The following HEXB variants were observed in gnomAD, a reference collection of about 807,000 sequenced individuals.
The protein encoded by HEXB is beta-hexosaminidase subunit beta.
HEXB carries 51 observed loss-of-function variants against 71.2 expected under a neutral mutation model. The observed-to-expected ratio is 0.72, with a 90% CI of 0.57 to 0.90. The LOEUF (loss-of-function observed/expected upper bound fraction) is 0.90. Among genes scored for constraint, HEXB ranks in the 40% least tolerant of loss-of-function variants. HEXB has a pLI of 0.00. For synonymous variants in HEXB, 266 were observed against 249.3 expected (o/e 1.07, Z -0.63); for missense variants, 617 against 677.0 (o/e 0.91, Z 0.98).
chr5:74,677,183 C>T (rs544253457), intron 1 of HEXB, among the ~76,000 whole-genome samples: 8 of 152,194 alleles, frequency 5.3e-5, no homozygotes, highest in African/African-American at 1.4e-4. Context: ...ACCCAGCATA[C>T]GTTGTTCTTT....
At chr5:74,696,146 G>A (rs1183686755) in intron 3 of HEXB, among the ~76,000 whole-genome samples, 2 of 152,204 alleles carry the variant, frequency 1.3e-5, no homozygotes, top group Non-Finnish European at 2.9e-5. Flanking sequence ...GTCAAGGCCA[G>A]TTAGAAGAAT....
intron 2 of HEXB, 152 bp from the exon 3 acceptor site, chr5:74,693,487 A>C (rs1314319461): frequency 1.0e-5 from 7 of 700,628 alleles, no homozygotes. Flanking sequence ...AGGACATCCA[A>C]ATGGAGATGT....
chr5:74,671,666 A>T (rs1748542638), intron 1 of HEXB, among the ~76,000 whole-genome samples: 1 of 152,208 alleles, frequency 6.6e-6, no homozygotes, highest in Admixed American at 6.5e-5. Context: ...TGTATACTTT[A>T]AATATAGGCA....
intron 13 of HEXB, 149 bp from the exon 14 acceptor site, chr5:74,720,969 T>TTTAA: frequency 2.4e-6 from 2 of 825,988 alleles, no homozygotes; most frequent in Non-Finnish European, 2.0e-6. Flanking sequence ...CTTGAGTTGC[T>TTTAA]TTAATTTTCT....
intron 6 of HEXB, among the ~76,000 whole-genome samples, chr5:74,709,877 A>G (rs1001212229): frequency 6.6e-6 from 1 of 152,134 alleles, no homozygotes; most frequent in African/African-American, 2.4e-5. Flanking sequence ...AACTGGTACC[A>G]TTCCTTCTGA....
At chr5:74,689,643 TTG>T (rs1467872773) in intron 2 of HEXB, 170 bp downstream of exon 2, 20 of 654,666 alleles carry the variant, frequency 3.1e-5, no homozygotes, top group Non-Finnish European at 5.4e-5. Context: ...TACATAGTCT[TTG>T]TGGAAAATTT....
chr5:74,721,179 A>ATG lies in HEXB; in HGVS notation c.*5_*6dup. On this transcript the variant is annotated 3_prime_UTR_variant, in exon 14 of 14. Coordinates refer to ENST00000261416, the MANE Select transcript of HEXB (RefSeq NM_000521.4). ...TTGTAACCATGAGAACATGTAAAAA[A>ATG]TGGAGGGGAAAAAGGCCACAGCAAT... 1 of 1,611,690 alleles carries ATG rather than the reference A, an allele frequency of 6.2e-7. No homozygotes were observed. Among genetic ancestry groups the ATG allele is most frequent in the Non-Finnish European group, 8.5e-7 (1 of 1,177,876 alleles).
At chr5:74,707,107 G>T (rs1275179396) in intron 6 of HEXB, among the ~76,000 whole-genome samples, 7 of 152,078 alleles carry the variant, frequency 4.6e-5, no homozygotes, top group Non-Finnish European at 7.4e-5. Context: ...CCAGAGGAAC[G>T]ATCAGACAGC....
chr5:74,691,013 TAACAGATTGTA>T (rs1163786549), intron 2 of HEXB, among the ~76,000 whole-genome samples: 1 of 152,186 alleles, frequency 6.6e-6, no homozygotes, highest in Non-Finnish European at 1.5e-5. Flanking sequence ...GCAATACAGA[TAACAGATTGTA>T]AATTCCACAA....
chr5:74,652,345 C>A lies in HEXB; in HGVS notation c.-377+11787C>A, dbSNP rs1165098568. ...CCTCGCTTTCTTTTTCAGAGCTGTG[C>A]TCTCCTAGTGTGTGGGCCTCCTGGC... On this transcript the variant is annotated intron_variant, in intron 1 of 13. Transcript: ENST00000511181. The surrounding 1 kb of genome is among the most constrained non-coding windows in gnomAD (Gnocchi z 5.4). 6.6e-6 allele frequency among the ~76,000 whole-genome samples: 1 copy of A among 152,084 alleles called. No homozygotes were observed. Among genetic ancestry groups the A allele is most frequent in the Non-Finnish European group, 1.5e-5 (1 of 68,002 alleles).
chr5:74,706,277 C>CT, intron 6 of HEXB: 1 of 152,382 alleles, frequency 6.6e-6, no homozygotes, highest in African/African-American at 2.4e-5. Context: ...TAAGAGTAAT[C>CT]TAGACAGCTA....
intron 1 of HEXB, among the ~76,000 whole-genome samples, chr5:74,642,918 A>G (rs547522562): frequency 6.6e-6 from 1 of 152,320 alleles, no homozygotes; most frequent in Admixed American, 6.5e-5. Context: ...CTATGCTTCA[A>G]TAGAAGAAAG....
At chr5:74,703,267 A>T (rs1313045482) in intron 5 of HEXB, among the ~76,000 whole-genome samples, 1 of 152,152 alleles carries the variant, frequency 6.6e-6, no homozygotes, top group African/African-American at 2.4e-5. Context: ...TCCTTGTTTA[A>T]TAGTCAAATT....
Position 74,705,232 on chromosome 5 carries a change from T to G in HEXB, c.683T>G (p.Phe228Cys), listed in dbSNP as rs755758402. ...GTTTGCTTGCAGGATGCCATGGCTT[T>G]TAATAAGTTTAATGTTCTTCACTGG... Reference protein sequence around the residue: ...IILKTLDAMAFNKFNVLHWHI... With the variant: ...IILKTLDAMACNKFNVLHWHI... The change falls in exon 6 of 14, where the codon TTT (phenylalanine) becomes TGT (cysteine). Residue 228 changes from phenylalanine to cysteine, a missense_variant. Phe to Cys is a radical substitution (Grantham distance 205). Transcript: ENST00000261416. 2.2e-5 allele frequency: 36 copies of G among 1,605,864 alleles called. 1 individual carries two copies. In the South Asian group the frequency reaches 4.0e-4, roughly 18 times the overall value.
intron 6 of HEXB, 37 bp downstream of exon 6, chr5:74,705,357 T>C (rs760421862): frequency 3.7e-6 from 4 of 1,069,938 alleles, no homozygotes; most frequent in Admixed American, 1.7e-5. Flanking sequence ...TACAAAAACA[T>C]TGGGTATAGT....
At chr5:74,664,206 A>G (rs1391135650) in intron 1 of HEXB, among the ~76,000 whole-genome samples, 1 of 151,850 alleles carries the variant, frequency 6.6e-6, no homozygotes. Context: ...CAGTGAGCCA[A>G]GATTGTGCCA....
rs1332109950 is a variant in HEXB at position 74,652,498 on chromosome 5, A to G, written c.-377+11940A>G. Among the ~76,000 whole-genome samples, 1 of 152,242 alleles carries G rather than the reference A, an allele frequency of 6.6e-6. No homozygotes were observed. Among genetic ancestry groups the G allele is most frequent in the Admixed American group, 6.5e-5 (1 of 15,282 alleles). On this transcript the variant is annotated intron_variant, in intron 1 of 13. Coordinates refer to the HEXB transcript ENST00000511181. The surrounding 1 kb of genome is among the most constrained non-coding windows in gnomAD (Gnocchi z 5.4). The stretch of plus-strand genomic sequence containing the variant: ...TGGGATGTTTTGCAAAATTTTTTAC[A>G]TTCAAAAGAGTCCTCATAGTTGGGT...
chr5:74,659,801 T>G (rs1748286325), intron 1 of HEXB, among the ~76,000 whole-genome samples: 1 of 152,212 alleles, frequency 6.6e-6, no homozygotes, highest in Admixed American at 6.5e-5. Flanking sequence ...CCCAGGAAAT[T>G]GAATTTTGAT....
At chr5:74,699,947 C>T (rs200573629) in intron 5 of HEXB, among the ~76,000 whole-genome samples, 2 of 140,596 alleles carry the variant, frequency 1.4e-5, no homozygotes, top group African/African-American at 5.3e-5. Context: ...GAATATAAGC[C>T]TTTTTTTTAC....
Sources: gnomAD v4.1 joint callset for allele counts (sites outside exome capture counted in the v4.1 genomes callset) on GRCh38, gnomAD v4.1.1 for gene constraint, Gnocchi (gnomAD v3.1) non-coding constraint, MANE v1.5 for transcripts, NCBI Gene and HGNC (gene_info 2026-07-23, HGNC 2026-07-21) for gene names.